The following ACOT11 variants were observed in gnomAD, a reference collection of about 807,000 sequenced individuals.
ACOT11 encodes the protein acyl-CoA thioesterase 11, also known as acyl-coenzyme A thioesterase 11.
A neutral mutation model predicts 77.5 loss-of-function variants in ACOT11; 69 were observed. The observed-to-expected ratio is 0.89, with a 90% CI of 0.73 to 1.09. The LOEUF is 1.09. ACOT11 is among the 50% of genes least tolerant of loss of function. The pLI is 0.00. For missense variants in ACOT11, 766 were observed against 813.7 expected (o/e 0.94, Z 0.71); for synonymous variants, 279 against 313.0 (o/e 0.89, Z 1.15).
chr1:54,611,807 C>T (rs1189971994), downstream of ACOT11: 3 of 1,600,618 alleles, frequency 1.9e-6, no homozygotes, highest in Admixed American at 1.7e-5. Flanking sequence ...AGCCCCACTC[C>T]TGTGCTCAGA....
intron 1 of ACOT11, among the ~76,000 whole-genome samples, chr1:54,551,021 T>C (rs1653045653): frequency 6.9e-6 from 1 of 145,746 alleles, no homozygotes; most frequent in African/African-American, 2.6e-5. Context: ...GCTCCTATAG[T>C]CCCAGCTACT....
intron 15 of ACOT11, chr1:54,623,416 G>T (rs1569808547): frequency 6.3e-7 from 1 of 1,586,516 alleles, no homozygotes; most frequent in South Asian, 1.1e-5. Context: ...TCTGGGGAAT[G>T]CCCCCAACTC....
At chr1:54,638,192 A>T (rs1229094369) in exon 17 of ACOT11, 3 of 152,190 alleles carry the variant, frequency 2.0e-5, no homozygotes, top group Non-Finnish European at 4.4e-5. Flanking sequence ...TGATCACCAA[A>T]AAGGTGGCAG....
At chr1:54,572,576 G>C (rs12406758) in intron 1 of ACOT11, among the ~76,000 whole-genome samples, 26 of 152,264 alleles carry the variant, frequency 1.7e-4, no homozygotes, top group African/African-American at 5.5e-4. Context: ...CTGAGGGGGG[G>C]GGTCACACGG....
chr1:54,580,231 G>T (rs1196401558), intron 1 of ACOT11, among the ~76,000 whole-genome samples: 1 of 152,186 alleles, frequency 6.6e-6, no homozygotes, highest in East Asian at 1.9e-4. Context: ...CACAGCCTGT[G>T]TCAGGGTGGG....
chr1:54,623,300 A>G (rs1644249274), intron 15 of ACOT11: 9 of 1,613,990 alleles, frequency 5.6e-6, no homozygotes, highest in Non-Finnish European at 6.8e-6. Context: ...GGGTGATGGC[A>G]AGGACTATTG....
intron 8 of ACOT11, among the ~76,000 whole-genome samples, chr1:54,600,277 C>T (rs1392565993): frequency 1.3e-5 from 2 of 152,170 alleles, no homozygotes; most frequent in Admixed American, 1.3e-4. Context: ...TTGGAAAAAT[C>T]ATTGCCCAGT....
intron 1 of ACOT11, among the ~76,000 whole-genome samples, chr1:54,559,625 A>C (rs1404902119): frequency 6.6e-6 from 1 of 150,862 alleles, no homozygotes; most frequent in Non-Finnish European, 1.5e-5. Context: ...TGTGAACCTC[A>C]GTTTTCTCAG....
intron 3 of ACOT11, among the ~76,000 whole-genome samples, chr1:54,590,880 A>C (rs1215950280): frequency 6.6e-6 from 1 of 152,134 alleles, no homozygotes; most frequent in Non-Finnish European, 1.5e-5. Flanking sequence ...TCAGCCTCCC[A>C]AGTAGCTGGA....
chr1:54,616,760 T>C (rs1644177886), intron 15 of ACOT11, among the ~76,000 whole-genome samples: 1 of 152,208 alleles, frequency 6.6e-6, no homozygotes, highest in South Asian at 2.1e-4. Context: ...CCACGATCTT[T>C]TTTTATGCAT....
At chr1:54,624,384 G>T (rs1644258892) in intron 15 of ACOT11, among the ~76,000 whole-genome samples, 1 of 144,880 alleles carries the variant, frequency 6.9e-6, no homozygotes. Flanking sequence ...GGCAGGGTGG[G>T]AGGGATTTTG....
At chr1:54,565,625 C>T (rs1457380623) in intron 1 of ACOT11, among the ~76,000 whole-genome samples, 2 of 152,118 alleles carry the variant, frequency 1.3e-5, no homozygotes, top group Non-Finnish European at 1.5e-5. Context: ...AATTAAAGGG[C>T]CCCCAAGAAC....
chr1:54,618,529 C>A (rs1431442729), intron 15 of ACOT11, among the ~76,000 whole-genome samples: 1 of 152,066 alleles, frequency 6.6e-6, no homozygotes, highest in African/African-American at 2.4e-5. Flanking sequence ...AACAAAAACT[C>A]TTTTCACCTT....
At chr1:54,611,305 C>T (rs1644115462), downstream of ACOT11, among the ~76,000 whole-genome samples, 1 of 152,096 alleles carries the variant, frequency 6.6e-6, no homozygotes, top group South Asian at 2.1e-4. Context: ...CATGGTGGCG[C>T]AGGAGAATCG....
chr1:54,616,449 C>T (rs1161082250), intron 15 of ACOT11, among the ~76,000 whole-genome samples: 2 of 151,932 alleles, frequency 1.3e-5, no homozygotes, highest in Non-Finnish European at 2.9e-5. Context: ...CTACAAGCTC[C>T]ACCTCCCAGT....
intron 1 of ACOT11, among the ~76,000 whole-genome samples, chr1:54,582,075 C>G (rs557448042): frequency 6.6e-6 from 1 of 152,332 alleles, no homozygotes; most frequent in African/African-American, 2.4e-5. Flanking sequence ...AGGCTTGTCT[C>G]TCAGTGTGCT....
At chr1:54,590,301 A>AG (rs1253317743) in intron 3 of ACOT11, among the ~76,000 whole-genome samples, 1 of 151,970 alleles carries the variant, frequency 6.6e-6, no homozygotes. Context: ...GGTGTAGGGA[A>AG]GGTCTCGATG....
intron 1 of ACOT11, among the ~76,000 whole-genome samples, chr1:54,551,706 T>G (rs1653071723): frequency 6.6e-6 from 1 of 151,694 alleles, no homozygotes; most frequent in South Asian, 2.1e-4. Flanking sequence ...GGCTGGCTGT[T>G]TTTGTTTTGT....
At chr1:54,548,740 G>C in intron 1 of ACOT11, 1 of 251,934 alleles carries the variant, frequency 4.0e-6, no homozygotes, top group Non-Finnish European at 7.7e-6. Flanking sequence ...GCTGATGGGA[G>C]TGACAGGGTG....
Sources: gnomAD v4.1 joint callset for allele counts (sites outside exome capture counted in the v4.1 genomes callset) on GRCh38, gnomAD v4.1.1 for gene constraint, MANE v1.5 for transcripts, NCBI Gene and HGNC (gene_info 2026-07-23, HGNC 2026-07-21) for gene names.